Variants in DENND1B observed in about 807,000 individuals in gnomAD.
DENND1B encodes DENN domain containing 1B.
In DENND1B, 59 loss-of-function variants were observed where a neutral mutation model predicts 90.1. That is an observed-to-expected ratio of 0.65 (90% CI 0.53 to 0.81). The LOEUF (loss-of-function observed/expected upper bound fraction) is 0.81. DENND1B is among the 40% of genes least tolerant of loss of function. DENND1B has a pLI of 0.00. For missense variants in DENND1B, 862 were observed against 912.6 expected, an observed-to-expected ratio of 0.94 and a Z score of 0.71; for synonymous variants, 337 against 324.6, an observed-to-expected ratio of 1.04 and a Z score of -0.41.
At chr1:197,738,106 C>T (rs956608676) in intron 2 of DENND1B, among the ~76,000 whole-genome samples, 4 of 152,162 alleles carry the variant, frequency 2.6e-5, no homozygotes, top group African/African-American at 9.7e-5. Flanking sequence ...CTGTTTATTA[C>T]ATTTCTTCTC....
intron 3 of DENND1B, among the ~76,000 whole-genome samples, chr1:197,693,838 C>A (rs1243237364): frequency 6.6e-6 from 1 of 151,392 alleles, no homozygotes; most frequent in Non-Finnish European, 1.5e-5. Context: ...GAATAACCCC[C>A]ACATCCAGAA....
intron 10 of DENND1B, among the ~76,000 whole-genome samples, chr1:197,626,704 C>T (rs944838896): frequency 1.3e-5 from 2 of 150,686 alleles, no homozygotes; most frequent in African/African-American, 2.4e-5. Context: ...AATAGAGACA[C>T]AAAAAAAACC....
intron 15 of DENND1B, among the ~76,000 whole-genome samples, chr1:197,562,570 AAGTC>A (rs1672263566): frequency 6.6e-6 from 1 of 151,850 alleles, no homozygotes; most frequent in Non-Finnish European, 1.5e-5. Context: ...ACCCCCACAT[AAGTC>A]AGCAAGCTTA....
At chr1:197,647,847 C>T (rs545426231) in intron 7 of DENND1B, among the ~76,000 whole-genome samples, 83 of 151,488 alleles carry the variant, frequency 5.5e-4, no homozygotes, top group Admixed American at 5.5e-3. Flanking sequence ...ACTCAGGAGG[C>T]CAAGGCAGGA....
At chr1:197,617,529 T>C in intron 11 of DENND1B, 130 bp downstream of exon 11, 3 of 644,662 alleles carry the variant, frequency 4.7e-6, no homozygotes, top group Non-Finnish European at 8.2e-6. Flanking sequence ...AAGCCATCTT[T>C]ACTATTTATT....
At chr1:197,623,054 C>T (rs1294301267) in intron 10 of DENND1B, among the ~76,000 whole-genome samples, 1 of 151,234 alleles carries the variant, frequency 6.6e-6, no homozygotes, top group Admixed American at 6.6e-5. Context: ...ACTATTCTAG[C>T]CTCTGTATCA....
chr1:197,578,093 G>C (rs1270921653), intron 15 of DENND1B, among the ~76,000 whole-genome samples: 1 of 152,144 alleles, frequency 6.6e-6, no homozygotes, highest in Non-Finnish European at 1.5e-5. Flanking sequence ...TCCAGGGGAG[G>C]GGAAGATTTT....
At chr1:197,701,806 A>T (rs77464769) in intron 3 of DENND1B, among the ~76,000 whole-genome samples, 5,083 of 152,242 alleles carry the variant, frequency 0.033, 293 homozygotes, top group African/African-American at 0.11. Flanking sequence ...ATTTGTTTAA[A>T]ATTTGGTAAA....
intron 5 of DENND1B, among the ~76,000 whole-genome samples, chr1:197,661,099 TG>T (rs1205410305): frequency 6.6e-6 from 1 of 152,096 alleles, no homozygotes; most frequent in Admixed American, 6.6e-5. Context: ...TGACAGTTTT[TG>T]GGGAATCTAA....
At chr1:197,544,430 G>A (rs958602195) in intron 18 of DENND1B, among the ~76,000 whole-genome samples, 31 of 152,248 alleles carry the variant, frequency 2.0e-4, no homozygotes, top group Admixed American at 1.8e-3. Context: ...TGAGGAGTAG[G>A]GGGAAAAGGA....
intron 10 of DENND1B, among the ~76,000 whole-genome samples, chr1:197,637,761 A>C (rs1253979138): frequency 6.6e-6 from 1 of 152,182 alleles, no homozygotes; most frequent in African/African-American, 2.4e-5. Context: ...AAATCTAAAA[A>C]TTGCTTCTAG....
chr1:197,769,337 GC>G (rs1179492671), intron 2 of DENND1B, among the ~76,000 whole-genome samples: 1 of 152,110 alleles, frequency 6.6e-6, no homozygotes, highest in Non-Finnish European at 1.5e-5. Flanking sequence ...TCAGGTGCAT[GC>G]CAACTTAGGC....
chr1:197,625,026 C>A lies in DENND1B; in HGVS notation c.673-7267G>T, dbSNP rs187177140. ...GAAATATGGGACTATGTGAAAAGACCAAATCTACGTCTGATTGGTGTACCT... is the reference window on the plus strand; with the variant it reads ...GAAATATGGGACTATGTGAAAAGACAAAATCTACGTCTGATTGGTGTACCT... On this transcript the variant is annotated intron_variant, in intron 10 of 22. Transcript: ENST00000620048. Among the ~76,000 whole-genome samples, 23 of 151,894 alleles carry A rather than the reference C, an allele frequency of 1.5e-4. No homozygotes were observed. In the East Asian group the frequency reaches 4.5e-3, roughly 30 times the overall value.
At chr1:197,513,908 T>C (rs982638827) in intron 20 of DENND1B, among the ~76,000 whole-genome samples, 35 of 151,624 alleles carry the variant, frequency 2.3e-4, no homozygotes, top group African/African-American at 4.8e-5. Flanking sequence ...CTCTGGAAGC[T>C]TACCCTCAGT....
At chr1:197,750,119 C>A (rs1189033825) in intron 2 of DENND1B, among the ~76,000 whole-genome samples, 1 of 152,146 alleles carries the variant, frequency 6.6e-6, no homozygotes, top group Non-Finnish European at 1.5e-5. Context: ...ACTGCTGAGA[C>A]TATAGGCGTG....
intron 2 of DENND1B, chr1:197,734,419 T>C (rs1662442168): frequency 1.0e-6 from 1 of 985,058 alleles, no homozygotes; most frequent in South Asian, 4.7e-5. Context: ...TTATGAAATA[T>C]TTTGTAATTT....
chr1:197,715,094 AT>A lies in DENND1B; in HGVS notation c.83-21del. 7 of 1,602,894 alleles carry A rather than the reference AT, an allele frequency of 4.4e-6. No homozygotes were observed. The highest frequency in any genetic ancestry group is 6.0e-6 in the Non-Finnish European group (7 of 1,172,030). ...CAGGATCTGTAAATAATTGACATGT[AT>A]AATTAAACAGCAGCAAAAGAACACA... On this transcript the variant is annotated intron_variant, in intron 2 of 22. Coordinates refer to ENST00000620048, the MANE Select transcript of DENND1B (RefSeq NM_001195215.2).
chr1:197,521,056 C>A (rs1571719586), intron 20 of DENND1B, among the ~76,000 whole-genome samples: 1 of 151,576 alleles, frequency 6.6e-6, no homozygotes, highest in East Asian at 1.9e-4. Context: ...AAAATATATA[C>A]TGGTAAAGAC....
At chr1:197,546,439 A>AC (rs1409462440) in intron 17 of DENND1B, among the ~76,000 whole-genome samples, 1 of 152,124 alleles carries the variant, frequency 6.6e-6, no homozygotes, top group African/African-American at 2.4e-5. Flanking sequence ...AAATCCTTCT[A>AC]CCCCACCTAA....
Sources: allele counts gnomAD v4.1 joint callset (sites outside exome capture counted in the v4.1 genomes callset), GRCh38; gene constraint gnomAD v4.1.1; transcripts MANE v1.5; gene names NCBI Gene and HGNC (gene_info 2026-07-23, HGNC 2026-07-21).